Variants in SANBR observed in about 807,000 individuals in gnomAD.
SANBR encodes SANT and BTB domain regulator of class switch recombination.
Under a neutral mutation model 101.8 loss-of-function variants are expected in SANBR, and 77 were observed. The observed-to-expected ratio is 0.76, with a 90% CI of 0.63 to 0.91. SANBR has a LOEUF of 0.91. Ranked by LOEUF, SANBR falls within the 40% of genes least tolerant of loss-of-function variation. SANBR has a pLI of 0.00. For synonymous variants in SANBR, 279 were observed against 274.7 expected (o/e 1.02, Z -0.15); for missense variants, 875 against 853.0 (o/e 1.03, Z -0.32).
chr2:61,080,376 A>AC (rs748604982), intron 6 of SANBR, among the ~76,000 whole-genome samples: 7 of 152,146 alleles, frequency 4.6e-5, no homozygotes, highest in Non-Finnish European at 1.0e-4. Context: ...GGGGTACATT[A>AC]CCATTTCCTG....
intron 14 of SANBR, among the ~76,000 whole-genome samples, chr2:61,107,001 C>T (rs1428040514): frequency 6.6e-6 from 1 of 151,808 alleles, no homozygotes; most frequent in African/African-American, 2.4e-5. Context: ...CTCATCTCTA[C>T]AAAAAAGGTT....
In SANBR at chr2:61,115,965, CT is replaced by C. The variant is rs1199868499; in HGVS notation, c.1745-12del. The C allele has an allele frequency of 1.9e-6, 3 of 1,562,198 alleles. No individual in the cohort carries two copies. In the African/African-American group the frequency reaches 4.1e-5, roughly 21 times the overall value. On this transcript the variant is annotated splice_polypyrimidine_tract_variant and intron_variant, in intron 16 of 21. Coordinates refer to ENST00000402291, the MANE Select transcript of SANBR (RefSeq NM_001129993.3). ...ATGGGGCCTAAGTTTATAACATTGT[CT>C]TCTCATTATCAGGGAAAAAGGAGAA...
chr2:61,081,215 G>T (rs1682105953), intron 6 of SANBR, among the ~76,000 whole-genome samples: 1 of 151,910 alleles, frequency 6.6e-6, no homozygotes, highest in Admixed American at 6.6e-5. Context: ...TCTTTAGCTG[G>T]AGTCTTTTTA....
rs535943486 is a variant in SANBR at position 61,081,597 on chromosome 2, A to G, written c.729+87A>G. On this transcript the variant is annotated intron_variant, in intron 7 of 21. Coordinates refer to ENST00000402291, the MANE Select transcript of SANBR (RefSeq NM_001129993.3). ...AGTATCTAGAAAATTCTGAGACTTT[A>G]TTAAAATTATTGTTAATTGAAAAAA... 4.6e-5 allele frequency: 60 copies of G among 1,293,116 alleles called. No homozygotes were observed. The African/African-American group carries it at 6.5e-4, about 14-fold the overall frequency. 80.1% of individuals were successfully genotyped at this position (1,293,116 alleles called of 1,614,324 possible). A position where few individuals can be genotyped will look rare whatever the true frequency, so the allele number is the denominator to read the frequency against.
Position 61,069,171 on chromosome 2 carries a change from C to T in SANBR, c.-10+186C>T, listed in dbSNP as rs922725027. On this transcript the variant is annotated intron_variant, in intron 2 of 21. Coordinates refer to ENST00000402291, the MANE Select transcript of SANBR (RefSeq NM_001129993.3). ...AATTATAATTAACATTTATTGAGAG[C>T]GTACCACATTCACGACCCCTGTGCT... Among the ~76,000 whole-genome samples, 9 of 152,128 alleles carry T rather than the reference C, an allele frequency of 5.9e-5. No homozygotes were observed. In the East Asian group the frequency reaches 1.5e-3, roughly 26 times the overall value.
chr2:61,079,903 T>TAAA (rs936906345), intron 6 of SANBR, among the ~76,000 whole-genome samples: 1 of 127,964 alleles, frequency 7.8e-6, no homozygotes, highest in Non-Finnish European at 1.7e-5. Flanking sequence ...CGTCTCAATT[T>TAAA]AAAAAAAAAA....
Position 61,117,542 on chromosome 2 carries a change from T to C in SANBR, c.1939+2T>C. 1 of 1,608,792 alleles carries C rather than the reference T, an allele frequency of 6.2e-7. No homozygotes were observed. Among genetic ancestry groups the C allele is most frequent in the Non-Finnish European group, 8.5e-7 (1 of 1,175,452 alleles). ...ACCAGGATGCACAAAGAGAAGACGGTAAATTTTATTATTTGGGTAATGTAC... is the reference window on the plus strand; with the variant it reads ...ACCAGGATGCACAAAGAGAAGACGGCAAATTTTATTATTTGGGTAATGTAC... On this transcript the variant is annotated splice_donor_variant, in intron 19 of 21. Transcript: ENST00000402291. LOFTEE classifies it high-confidence loss of function.
chr2:61,090,356 C>A (rs1394091381), intron 10 of SANBR: 1 of 151,970 alleles, frequency 6.6e-6, no homozygotes, highest in African/African-American at 2.4e-5. Context: ...TATATATATA[C>A]ACCTATTAGT....
chr2:61,084,703 C>T (rs1005760065), intron 8 of SANBR, among the ~76,000 whole-genome samples: 2 of 151,966 alleles, frequency 1.3e-5, no homozygotes, highest in African/African-American at 2.4e-5. Context: ...AGGGGAGTGA[C>T]GTGATCTGAT....
In SANBR at chr2:61,110,767, G is replaced by C. The variant is rs536912204; in HGVS notation, c.1744+1471G>C. 1.3e-4 allele frequency among the ~76,000 whole-genome samples: 19 copies of C among 151,842 alleles called. No individual in the cohort carries two copies. The South Asian group carries it at 3.5e-3, about 28-fold the overall frequency. On this transcript the variant is annotated intron_variant, in intron 16 of 21. Transcript: ENST00000402291. ...GGAGGCTGAGGCAGGAGAATCACTT[G>C]AACCCAGGAAGGGGAGGTTGCAGTG...
rs1683104462 is a variant in SANBR at position 61,097,872 on chromosome 2, C to A, written c.1365+20C>A. ...ACAAAGGTGAATTTTGAATATTGCC[C>A]TTAGTAGCTACAGTTTTTAAAGTAT... On this transcript the variant is annotated intron_variant, in intron 12 of 21. Transcript: ENST00000402291. 6.3e-7 allele frequency: 1 copy of A among 1,597,544 alleles called. No individual in the cohort carries two copies. Among genetic ancestry groups the A allele is most frequent in the Non-Finnish European group, 8.6e-7 (1 of 1,169,220 alleles).
chr2:61,109,415 A>G (rs1017113256), intron 16 of SANBR, 119 bp downstream of exon 16: 2 of 489,350 alleles, frequency 4.1e-6, no homozygotes, highest in Non-Finnish European at 7.3e-6. Context: ...AACATAGAAA[A>G]AAAATTGAAA....
chr2:61,134,608 T>C (rs1355957420), intron 21 of SANBR, among the ~76,000 whole-genome samples: 1 of 152,200 alleles, frequency 6.6e-6, no homozygotes, highest in Non-Finnish European at 1.5e-5. Context: ...TAGAAATATA[T>C]TGTTGGCCAG....
chr2:61,073,715 C>CATG (rs1681605872), intron 5 of SANBR, among the ~76,000 whole-genome samples, 164 bp downstream of exon 5: 1 of 151,872 alleles, frequency 6.6e-6, no homozygotes, highest in Non-Finnish European at 1.5e-5. Flanking sequence ...ATGACTTATT[C>CATG]ATGTTATTAT....
In SANBR at chr2:61,070,393, A is replaced by T. The variant is rs776372826; in HGVS notation, c.43A>T (p.Asn15Tyr). Reference protein sequence around the residue: ...YSENNNFLNNNNQMVLDMILY... With the variant: ...YSENNNFLNNYNQMVLDMILY... ...AGAAAACAACAATTTCCTGAACAAT[A>T]ATAACCAAATGGTATTGGACATGAT... is the stretch of plus-strand genomic sequence containing the variant. Residue 15 changes from asparagine to tyrosine, a missense_variant, in exon 3 of 22, where the codon AAT becomes TAT. Transcript: ENST00000402291. 30 of 1,597,878 alleles carry T rather than the reference A, an allele frequency of 1.9e-5. No homozygotes were observed. Among genetic ancestry groups the T allele is most frequent in the Non-Finnish European group, 2.5e-5 (29 of 1,174,164 alleles).
chr2:61,072,687 A>C (rs570454705), intron 4 of SANBR, among the ~76,000 whole-genome samples: 1 of 152,012 alleles, frequency 6.6e-6, no homozygotes, highest in South Asian at 2.1e-4. Context: ...ACTCTAATCT[A>C]CTGGCCTAGT....
chr2:61,088,073 T>A, intron 8 of SANBR, 86 bp from the exon 9 acceptor site: 1 of 669,886 alleles, frequency 1.5e-6, no homozygotes, highest in Non-Finnish European at 2.5e-6. Context: ...TTAATCTTAT[T>A]TTACAAATGC....
chr2:61,090,131 C>G (rs577609056), intron 10 of SANBR, among the ~76,000 whole-genome samples: 47 of 152,118 alleles, frequency 3.1e-4, no homozygotes, highest in African/African-American at 1.1e-3. Context: ...GTCTGGACAA[C>G]AGAGCAAAAC....
chr2:61,092,645 G>T, intron 11 of SANBR, 58 bp downstream of exon 11: 1 of 1,299,992 alleles, frequency 7.7e-7, no homozygotes, highest in Non-Finnish European at 1.1e-6. Context: ...AGATTATTTT[G>T]ATATCTGCTG....
Sources: gnomAD v4.1 joint callset for allele counts (sites outside exome capture counted in the v4.1 genomes callset) on GRCh38, gnomAD v4.1.1 for gene constraint, MANE v1.5 for transcripts, NCBI Gene and HGNC (gene_info 2026-07-23, HGNC 2026-07-21) for gene names.